The following GALNT5 variants were observed in gnomAD, a reference collection of about 807,000 sequenced individuals.
GALNT5 encodes UDP-GalNAc:polypeptide N-acetylgalactosaminyltransferase 5.
Under a neutral mutation model 85.4 loss-of-function variants are expected in GALNT5, and 72 were observed. The observed-to-expected ratio is 0.84, with a 90% CI of 0.70 to 1.03. The LOEUF (loss-of-function observed/expected upper bound fraction) is 1.03. GALNT5 is among the 50% of genes least tolerant of loss of function. GALNT5 has a pLI of 0.00. For missense variants in GALNT5, 1,137 were observed against 1,135.5 expected (o/e 1.00, Z -0.02); for synonymous variants, 404 against 397.0 (o/e 1.02, Z -0.21).
intron 2 of GALNT5, among the ~76,000 whole-genome samples, chr2:157,285,793 C>CA: frequency 6.6e-6 from 1 of 152,222 alleles, no homozygotes; most frequent in East Asian, 1.9e-4. Context: ...ACACTGAAAA[C>CA]AAACATTTGG....
chr2:157,261,632 T>C (rs908209354), intron 1 of GALNT5, among the ~76,000 whole-genome samples: 1 of 152,216 alleles, frequency 6.6e-6, no homozygotes, highest in East Asian at 1.9e-4. Flanking sequence ...ACCTGGGGCC[T>C]CCCAAAGTAT....
In GALNT5 at chr2:157,284,387, C is replaced by T; in HGVS notation, c.1560C>T (p.Ile520=). Residue 520 remains isoleucine (I), a synonymous_variant, in exon 2 of 10, where the codon ATC becomes ATT. Coordinates refer to ENST00000259056, the MANE Select transcript of GALNT5 (RefSeq NM_014568.3). ...TCCTGAGATCTGTTCACAGTGTCAT[C>T]AATCGCTCTCCTCCACACCTCATCA... ...STLLRSVHSV[I]NRSPPHLIKE... 2 of 1,613,898 alleles carry T rather than the reference C, an allele frequency of 1.2e-6. No individual in the cohort carries two copies. The highest frequency in any genetic ancestry group is 1.7e-6 in the Non-Finnish European group (2 of 1,179,780).
intron 8 of GALNT5, 114 bp downstream of exon 8, chr2:157,305,943 C>G (rs566459211): frequency 7.7e-6 from 5 of 649,166 alleles, no homozygotes; most frequent in Non-Finnish European, 1.3e-5. Flanking sequence ...TTCTAAATTT[C>G]TTTGTAAAAA....
In GALNT5 at chr2:157,258,328, G is replaced by C. The variant is rs748409141; in HGVS notation, c.246G>C (p.Gly82=). 4 of 1,599,358 alleles carry C rather than the reference G, an allele frequency of 2.5e-6. No homozygotes were observed. The highest frequency in any genetic ancestry group is 2.6e-6 in the Non-Finnish European group (3 of 1,174,630). ...KEMKPPLRGH[G]KGAWGKENVR... ...TGAAACCTCCCCTAAGGGGACATGG[G>C]AAAGGGGCATGGGGCAAAGAGAATG... Residue 82 remains glycine (G), a synonymous_variant, in exon 1 of 10, where the codon GGG becomes GGC. Coordinates refer to ENST00000259056, the MANE Select transcript of GALNT5 (RefSeq NM_014568.3).
intron 9 of GALNT5, among the ~76,000 whole-genome samples, 175 bp downstream of exon 9, chr2:157,308,903 C>CTT (rs11385009): frequency 3.7e-4 from 55 of 149,780 alleles, no homozygotes; most frequent in South Asian, 2.3e-3. Flanking sequence ...TTGACAAGTC[C>CTT]TTTTTTTTTT....
chr2:157,297,633 C>T (rs530522950), intron 5 of GALNT5, among the ~76,000 whole-genome samples: 1 of 152,150 alleles, frequency 6.6e-6, no homozygotes, highest in Non-Finnish European at 1.5e-5. Flanking sequence ...GACGAGAATG[C>T]GTTCTGGATA....
intron 1 of GALNT5, among the ~76,000 whole-genome samples, chr2:157,281,296 C>T (rs924339526): frequency 1.8e-4 from 27 of 152,176 alleles, no homozygotes; most frequent in African/African-American, 6.5e-4. Context: ...AACTCCTGAC[C>T]TCAAGTGATC....
At chr2:157,280,313 T>A (rs1048520049) in intron 1 of GALNT5, among the ~76,000 whole-genome samples, 3 of 152,158 alleles carry the variant, frequency 2.0e-5, no homozygotes, top group Non-Finnish European at 4.4e-5. Context: ...CTAAATCACA[T>A]GTATCCTTAT....
chr2:157,275,274 C>A (rs767419700), intron 1 of GALNT5, among the ~76,000 whole-genome samples: 1 of 152,124 alleles, frequency 6.6e-6, no homozygotes, highest in African/African-American at 2.4e-5. Context: ...ATGCCGCCAG[C>A]TTTGTTCTTT....
rs1287745408 is a variant in GALNT5, at chr2:157,314,949, G to A, written c.*3601G>A. On this transcript the variant is annotated 3_prime_UTR_variant, in exon 10 of 10. Coordinates refer to ENST00000259056, the MANE Select transcript of GALNT5 (RefSeq NM_014568.3). ...AAAAATTAGCTGGGCATGGTGGTGG[G>A]CGCCTGTAATCCCAGCTACCTGGGA... Among the ~76,000 whole-genome samples the A allele has an allele frequency of 6.6e-6, 1 of 151,946 alleles. No homozygotes were observed. Among genetic ancestry groups the A allele is most frequent in the African/African-American group, 2.4e-5 (1 of 41,354 alleles).
rs1418615726 is a variant in GALNT5, at chr2:157,258,413, GA to G, written c.334del (p.Arg112GlufsTer26). ...GGTGGACTTGGACCAAACCCAGAGG[GA>G]AAGAAAAATGCAGAATGCCCTGGGA... The part of the protein sequence containing the change: ...VEVDLDQTQR[E>X]RKMQNALGRG... On this transcript the variant is annotated frameshift_variant, in exon 1 of 10. Transcript: ENST00000259056. LOFTEE classifies it high-confidence loss of function. 2 of 1,610,142 alleles carry G rather than the reference GA, an allele frequency of 1.2e-6. No individual in the cohort carries two copies. The highest frequency in any genetic ancestry group is 1.7e-6 in the Non-Finnish European group (2 of 1,178,846).
At chr2:157,301,187 A>C (rs1016426995) in intron 7 of GALNT5, among the ~76,000 whole-genome samples, 188 bp downstream of exon 7, 1 of 152,226 alleles carries the variant, frequency 6.6e-6, no homozygotes, top group Admixed American at 6.5e-5. Flanking sequence ...GGTCATGTTC[A>C]TTGATTAACT....
At chr2:157,264,228 G>A (rs1245448900) in intron 1 of GALNT5, among the ~76,000 whole-genome samples, 4 of 151,688 alleles carry the variant, frequency 2.6e-5, no homozygotes, top group Non-Finnish European at 5.9e-5. Context: ...TTGCTAAAAT[G>A]TGATCCTATG....
intron 7 of GALNT5, among the ~76,000 whole-genome samples, chr2:157,303,246 C>G (rs1683378063): frequency 6.6e-6 from 1 of 152,040 alleles, no homozygotes. Flanking sequence ...TTTTTTCAAC[C>G]TCCACAAGCA....
At chr2:157,304,198 G>T (rs1683405644) in intron 7 of GALNT5, among the ~76,000 whole-genome samples, 1 of 152,112 alleles carries the variant, frequency 6.6e-6, no homozygotes, top group African/African-American at 2.4e-5. Flanking sequence ...AAGTTCAGGG[G>T]TGGGACTGTG....
intron 3 of GALNT5, among the ~76,000 whole-genome samples, chr2:157,290,472 C>T (rs913803047): frequency 6.6e-6 from 1 of 152,118 alleles, no homozygotes; most frequent in Admixed American, 6.5e-5. Flanking sequence ...GCAGAGATGG[C>T]AGGCGTGGTG....
At chr2:157,293,947 G>A (rs1198865557) in intron 3 of GALNT5, among the ~76,000 whole-genome samples, 1 of 152,166 alleles carries the variant, frequency 6.6e-6, no homozygotes, top group Non-Finnish European at 1.5e-5. Flanking sequence ...CCATAGAAAA[G>A]TTACCTAGGG....
chr2:157,308,617 G>C lies in GALNT5; in HGVS notation c.2571G>C (p.Trp857Cys), dbSNP rs759168159. 13 of 1,613,526 alleles carry C rather than the reference G, an allele frequency of 8.1e-6. No homozygotes were observed. The South Asian group carries it at 8.8e-5, about 11-fold the overall frequency. The change falls in exon 9 of 10, where the codon TGG (tryptophan) becomes TGC (cysteine). Residue 857 changes from tryptophan (W) to cysteine (C), a missense_variant. Trp to Cys is a radical substitution (Grantham distance 215). Coordinates refer to ENST00000259056, the MANE Select transcript of GALNT5 (RefSeq NM_014568.3). ...TAAGACTTATTAAATGTGGAGAATG[G>C]TGTATAGCCCCCATCCCTGATAAAG... ...TWLRLIKCGE[W>C]CIAPIPDKGA...
chr2:157,287,377 T>C (rs1037005619), intron 3 of GALNT5, among the ~76,000 whole-genome samples: 1 of 152,098 alleles, frequency 6.6e-6, no homozygotes, highest in East Asian at 1.9e-4. Flanking sequence ...AATCTCTATC[T>C]CTCCCTCTCC....
Sources: gnomAD v4.1 joint callset for allele counts (sites outside exome capture counted in the v4.1 genomes callset) on GRCh38, gnomAD v4.1.1 for gene constraint, MANE v1.5 for transcripts, NCBI Gene and HGNC (gene_info 2026-07-23, HGNC 2026-07-21) for gene names.